Variants in PTPRD observed in about 807,000 individuals in gnomAD.
PTPRD encodes protein tyrosine phosphatase receptor type D.
In PTPRD, 34 loss-of-function variants were observed where a neutral mutation model predicts 214.5. That is an observed-to-expected ratio of 0.16 (90% CI 0.12 to 0.21). PTPRD has a LOEUF of 0.21. Among genes scored for constraint, PTPRD ranks in the 10% least tolerant of loss-of-function variants. PTPRD has a pLI of 1.00. For missense variants in PTPRD, 2,545 were observed against 2,398.7 expected (o/e 1.06, Z -1.27); for synonymous variants, 1,128 against 845.7 (o/e 1.33, Z -5.79).
At chr9:9,143,101 C>T (rs2099863045) in intron 10 of PTPRD, among the ~76,000 whole-genome samples, 1 of 152,202 alleles carries the variant, frequency 6.6e-6, no homozygotes, top group South Asian at 2.1e-4. Context: ...ACCACTTGGT[C>T]TTTCTACTCC....
intron 9 of PTPRD, among the ~76,000 whole-genome samples, chr9:9,241,916 G>C (rs555714575): frequency 2.6e-4 from 40 of 152,178 alleles, no homozygotes; most frequent in African/African-American, 8.9e-4. Context: ...TTGCTCGTTA[G>C]TTGATGCAAC....
chr9:9,595,322 T>A (rs866870986), intron 7 of PTPRD, among the ~76,000 whole-genome samples: 8 of 75,426 alleles, frequency 1.1e-4, no homozygotes, highest in African/African-American at 2.7e-4. Flanking sequence ...TATATATATT[T>A]TATATATATA....
chr9:8,711,870 C>T (rs919657199), intron 12 of PTPRD, among the ~76,000 whole-genome samples: 2 of 152,102 alleles, frequency 1.3e-5, no homozygotes, highest in South Asian at 2.1e-4. Context: ...TATAATGCTA[C>T]GCAAGCAATG....
At chr9:9,396,095 G>T (rs1382085369) in intron 9 of PTPRD, among the ~76,000 whole-genome samples, 1 of 152,026 alleles carries the variant, frequency 6.6e-6, no homozygotes, top group Non-Finnish European at 1.5e-5. Context: ...ATAGAAGCTA[G>T]TCAAGACCCA....
chr9:8,901,487 G>A (rs1012620767), intron 11 of PTPRD, among the ~76,000 whole-genome samples: 2 of 152,172 alleles, frequency 1.3e-5, no homozygotes, highest in African/African-American at 2.4e-5. Context: ...AGCAGCATGC[G>A]ATAAGTAGGG....
intron 3 of PTPRD, among the ~76,000 whole-genome samples, chr9:10,270,031 T>A (rs1434606643): frequency 1.3e-5 from 2 of 152,116 alleles, no homozygotes; most frequent in Non-Finnish European, 2.9e-5. Context: ...TGGCGCTACA[T>A]AATTAGCTGA....
At chr9:9,121,813 C>T (rs998826850) in intron 10 of PTPRD, among the ~76,000 whole-genome samples, 1 of 152,000 alleles carries the variant, frequency 6.6e-6, no homozygotes, top group Non-Finnish European at 1.5e-5. Context: ...ATCCCAATAA[C>T]TTATGGAAAA....
chr9:9,128,210 A>G (rs1270877680), intron 10 of PTPRD, among the ~76,000 whole-genome samples: 1 of 152,216 alleles, frequency 6.6e-6, no homozygotes. Context: ...AATAAAACTC[A>G]TAATATTTAC....
chr9:9,286,381 T>A (rs1235322031), intron 9 of PTPRD, among the ~76,000 whole-genome samples: 1 of 151,870 alleles, frequency 6.6e-6, no homozygotes, highest in African/African-American at 2.4e-5. Flanking sequence ...ATCATCTTCA[T>A]GGCCCTGCCT....
At chr9:8,466,906 T>A (rs117197594) in intron 31 of PTPRD, among the ~76,000 whole-genome samples, 1 of 151,938 alleles carries the variant, frequency 6.6e-6, no homozygotes, top group Non-Finnish European at 1.5e-5. Flanking sequence ...CCTGGCATGA[T>A]CAAGGCTAGG....
intron 39 of PTPRD, among the ~76,000 whole-genome samples, chr9:8,349,047 TAA>T (rs35636652): frequency 0.48 from 72,280 of 150,862 alleles, 20,071 homozygotes; most frequent in Non-Finnish European, 0.63. Context: ...ACAAAATTTA[TAA>T]AAAAAAAAAA....
At chr9:10,260,372 A>T (rs1265598514) in intron 3 of PTPRD, among the ~76,000 whole-genome samples, 2 of 152,152 alleles carry the variant, frequency 1.3e-5, no homozygotes, top group Non-Finnish European at 2.9e-5. Flanking sequence ...CTCACACTCA[A>T]GTTTTACAGA....
intron 5 of PTPRD, among the ~76,000 whole-genome samples, chr9:9,839,899 T>C (rs188883240): frequency 6.6e-6 from 1 of 152,196 alleles, no homozygotes; most frequent in Admixed American, 6.6e-5. Flanking sequence ...TAAACATATA[T>C]TGATATGCAT....
chr9:9,823,254 C>T (rs2051422384), intron 5 of PTPRD, among the ~76,000 whole-genome samples: 1 of 151,920 alleles, frequency 6.6e-6, no homozygotes, highest in Non-Finnish European at 1.5e-5. Context: ...CTGGGAAGGC[C>T]TCAGGAAGCT....
At chr9:10,550,745 A>T (rs1377495205) in intron 2 of PTPRD, among the ~76,000 whole-genome samples, 1 of 152,244 alleles carries the variant, frequency 6.6e-6, no homozygotes, top group Non-Finnish European at 1.5e-5. Context: ...GGGATGCTGG[A>T]AAGATGCAAA....
intron 5 of PTPRD, among the ~76,000 whole-genome samples, chr9:9,865,700 C>T (rs1238054282): frequency 1.3e-5 from 2 of 152,174 alleles, no homozygotes; most frequent in Non-Finnish European, 2.9e-5. Context: ...TCAGTTGGTT[C>T]TCTGGTCAAT....
chr9:8,761,471 T>C (rs954039127), intron 11 of PTPRD, among the ~76,000 whole-genome samples: 12 of 152,300 alleles, frequency 7.9e-5, no homozygotes, highest in African/African-American at 2.6e-4. Context: ...ATAATGACCA[T>C]GGATGGAGAG....
intron 5 of PTPRD, among the ~76,000 whole-genome samples, chr9:9,900,524 G>C (rs4601380): frequency 0.21 from 32,446 of 151,860 alleles, 3,833 homozygotes; most frequent in African/African-American, 0.31. Flanking sequence ...TTGGTCACAA[G>C]CGCAAGTCTC....
At chr9:9,194,133 T>G (rs1351208226) in intron 9 of PTPRD, among the ~76,000 whole-genome samples, 1 of 152,070 alleles carries the variant, frequency 6.6e-6, no homozygotes, top group South Asian at 2.1e-4. Flanking sequence ...GTCAGGATCA[T>G]CAGTATCACT....
Sources: gnomAD v4.1 joint callset for allele counts (sites outside exome capture counted in the v4.1 genomes callset) on GRCh38, gnomAD v4.1.1 for gene constraint, MANE v1.5 for transcripts, NCBI Gene and HGNC (gene_info 2026-07-23, HGNC 2026-07-21) for gene names.